Variants in PDE10A observed in about 807,000 individuals in gnomAD.
PDE10A encodes phosphodiesterase 10A, also known as cAMP and cAMP-inhibited cGMP 3',5'-cyclic phosphodiesterase 10A.
PDE10A carries 39 observed loss-of-function variants against 97.7 expected under a neutral mutation model. The observed-to-expected ratio is 0.40, with a 90% confidence interval of 0.31 to 0.52. The LOEUF (loss-of-function observed/expected upper bound fraction) is 0.52, where lower values mean the gene tolerates loss of function less well. Ranked by LOEUF, PDE10A falls within the 20% of genes least tolerant of loss-of-function variation. The probability of loss-of-function intolerance (pLI) is 0.56; values close to 1 mark genes in which losing one functional copy is unlikely to be tolerated. For missense variants in PDE10A, 731 were observed against 1,047.8 expected, an observed-to-expected ratio of 0.70 and a Z score of 4.17; for synonymous variants, 371 against 376.8, an observed-to-expected ratio of 0.98 and a Z score of 0.18.
intron 1 of PDE10A, among the ~76,000 whole-genome samples, chr6:165,608,314 A>G (rs957010529): frequency 3.1e-4 from 42 of 134,196 alleles, no homozygotes; most frequent in African/African-American, 1.1e-3. Context: ...CCTGTGTCCA[A>G]GTGTTCTCAT....
At chr6:165,604,444 G>C (rs987993294) in intron 1 of PDE10A, among the ~76,000 whole-genome samples, 4 of 150,952 alleles carry the variant, frequency 2.6e-5, no homozygotes, top group South Asian at 2.1e-4. Context: ...CAGCTGAGTA[G>C]GTGACATGCC....
At chr6:165,554,589 T>A (rs548682206) in intron 1 of PDE10A, among the ~76,000 whole-genome samples, 1 of 152,204 alleles carries the variant, frequency 6.6e-6, no homozygotes, top group South Asian at 2.1e-4. Flanking sequence ...ACAACCCCTA[T>A]GGAGAAAAGT....
intron 1 of PDE10A, among the ~76,000 whole-genome samples, chr6:165,823,225 T>A (rs1443746083): frequency 1.3e-5 from 2 of 151,038 alleles, no homozygotes; most frequent in Non-Finnish European, 2.9e-5. Context: ...ATTTTCTTTC[T>A]TTGTATTCTT....
intron 2 of PDE10A, among the ~76,000 whole-genome samples, chr6:165,486,623 G>A (rs992822886): frequency 6.6e-6 from 1 of 152,196 alleles, no homozygotes; most frequent in Admixed American, 6.5e-5. Flanking sequence ...GGAGATGGAC[G>A]CAGAGCACAC....
intron 18 of PDE10A, among the ~76,000 whole-genome samples, chr6:165,374,988 T>G (rs892986345): frequency 1.3e-5 from 2 of 152,188 alleles, no homozygotes; most frequent in African/African-American, 4.8e-5. Flanking sequence ...TACACCCATA[T>G]ATGATGGTGA....
chr6:165,973,661 A>G (rs1416220043), intron 1 of PDE10A, among the ~76,000 whole-genome samples: 1 of 152,194 alleles, frequency 6.6e-6, no homozygotes, highest in Admixed American at 6.5e-5. Context: ...GGGAAGAGGC[A>G]GACAGATGAG....
intron 1 of PDE10A, among the ~76,000 whole-genome samples, chr6:165,589,928 A>T (rs1786150684): frequency 1.3e-5 from 2 of 152,244 alleles, no homozygotes; most frequent in Admixed American, 1.3e-4. Context: ...TCATTTAAAG[A>T]AAATGTAAAT....
chr6:165,491,312 C>T (rs541925300), intron 2 of PDE10A, among the ~76,000 whole-genome samples: 12 of 152,236 alleles, frequency 7.9e-5, no homozygotes, highest in African/African-American at 2.4e-4. Flanking sequence ...CTTCAATACT[C>T]CACTGACAGC....
Position 165,435,383 on chromosome 6 carries a change from G to T in PDE10A, c.1195-6C>A, listed in dbSNP as rs1372679095. On this transcript the variant is annotated splice_polypyrimidine_tract_variant and splice_region_variant and intron_variant, in intron 5 of 21. Coordinates refer to ENST00000539869, the MANE Select transcript of PDE10A (RefSeq NM_001385079.1). ...GGCGTGAATATACACAGGCTCTAGG[G>T]AGAAGAAAAGATGTTTTACAGACTT... The T allele has an allele frequency of 6.2e-7, 1 of 1,610,562 alleles. No individual in the cohort carries two copies. The highest frequency in any genetic ancestry group is 1.7e-5 in the Admixed American group (1 of 59,212).
At chr6:165,890,416 T>G in intron 1 of PDE10A, among the ~76,000 whole-genome samples, 1 of 152,176 alleles carries the variant, frequency 6.6e-6, no homozygotes, top group Non-Finnish European at 1.5e-5. Flanking sequence ...ATCACTGTCT[T>G]CCGCGACAGT....
chr6:165,630,925 G>A (rs1003061581), intron 1 of PDE10A, among the ~76,000 whole-genome samples: 38 of 152,260 alleles, frequency 2.5e-4, no homozygotes, highest in African/African-American at 9.1e-4. Context: ...TGGAATGCTC[G>A]CTTGCTCTAA....
rs1000469006 is a variant in PDE10A at position 165,329,634 on chromosome 6, T to C, written c.*3391A>G. The C allele has an allele frequency of 6.6e-6, 1 of 151,904 alleles. No homozygotes were observed. Among genetic ancestry groups the C allele is most frequent in the African/African-American group, 2.4e-5 (1 of 41,360 alleles). 9.4% of individuals were successfully genotyped at this position (151,904 alleles called of 1,614,324 possible). ...ACAGGATTTGTCTCGCATACACAAA[T>C]ATACCAATAAAGAAAAATTAACTGA... is the stretch of plus-strand genomic sequence containing the variant. On this transcript the variant is annotated 3_prime_UTR_variant, in exon 22 of 22. Coordinates refer to ENST00000539869, the MANE Select transcript of PDE10A (RefSeq NM_001385079.1).
At chr6:165,633,259 G>T (rs1251894128) in intron 1 of PDE10A, among the ~76,000 whole-genome samples, 1 of 152,106 alleles carries the variant, frequency 6.6e-6, no homozygotes, top group East Asian at 1.9e-4. Flanking sequence ...TCAAGGAGAG[G>T]CTTAAGGCAT....
intron 2 of PDE10A, among the ~76,000 whole-genome samples, chr6:165,496,237 C>T (rs1780531125): frequency 6.6e-6 from 1 of 152,160 alleles, no homozygotes; most frequent in Non-Finnish European, 1.5e-5. Context: ...TCCTTCCAGA[C>T]TCAGCTCAAC....
At chr6:165,450,200 C>T in intron 4 of PDE10A, 42 bp downstream of exon 4, 1 of 1,305,848 alleles carries the variant, frequency 7.7e-7, no homozygotes, top group East Asian at 2.7e-5. Context: ...GTAAAAGAAT[C>T]TTTGCCCATT....
At chr6:165,517,821 T>C (rs994110889) in intron 2 of PDE10A, among the ~76,000 whole-genome samples, 11 of 152,230 alleles carry the variant, frequency 7.2e-5, no homozygotes, top group Admixed American at 3.3e-4. Context: ...TTAAAATTCA[T>C]AGAACTATAC....
At chr6:165,943,181 AAG>A (rs1484290819) in intron 1 of PDE10A, among the ~76,000 whole-genome samples, 3 of 47,448 alleles carry the variant, frequency 6.3e-5, no homozygotes, top group Admixed American at 2.1e-4. Flanking sequence ...AGAAAAAAGA[AAG>A]AAAGAAAGAA....
chr6:165,653,804 G>A (rs1292732962), intron 1 of PDE10A, among the ~76,000 whole-genome samples: 2 of 150,718 alleles, frequency 1.3e-5, no homozygotes, highest in East Asian at 1.9e-4. Flanking sequence ...ACCTCCCCAC[G>A]CCTTCCCCCA....
chr6:165,576,259 A>G (rs1266854299), intron 1 of PDE10A, among the ~76,000 whole-genome samples: 1 of 152,234 alleles, frequency 6.6e-6, no homozygotes, highest in Non-Finnish European at 1.5e-5. Flanking sequence ...TGGCACCAAA[A>G]AGAGTCAAGG....
Sources: allele counts gnomAD v4.1 joint callset (sites outside exome capture counted in the v4.1 genomes callset), GRCh38; gene constraint gnomAD v4.1.1; transcripts MANE v1.5; gene names NCBI Gene and HGNC (gene_info 2026-07-23, HGNC 2026-07-21).